OAS1: variants seen among roughly 807,000 people sequenced by gnomAD.
OAS1 encodes 2'-5'-oligoadenylate synthetase 1.
OAS1 carries 24 observed loss-of-function variants against 38.5 expected under a neutral mutation model. The ratio of observed to expected loss-of-function variants is 0.62; its 90% CI spans 0.45 to 0.88. The LOEUF is 0.88. OAS1 is among the 40% of genes least tolerant of loss of function. OAS1 has a pLI of 0.00. For synonymous variants in OAS1, 169 were observed against 193.9 expected, an observed-to-expected ratio of 0.87 and a Z score of 1.07; for missense variants, 482 against 493.9, an observed-to-expected ratio of 0.98 and a Z score of 0.23.
At chr12:112,932,281 G>A (rs150430777), downstream of OAS1, 38 of 176,040 alleles carry the variant, frequency 2.2e-4, no homozygotes, top group East Asian at 4.1e-3. Flanking sequence ...GGATGCTGTG[G>A]TTAATAATTA....
At chr12:112,922,200 A>G (rs1001827951), downstream of OAS1, among the ~76,000 whole-genome samples, 8 of 152,080 alleles carry the variant, frequency 5.3e-5, no homozygotes, top group Non-Finnish European at 1.5e-5. Flanking sequence ...CCATTACTAT[A>G]TATGCTATGG....
chr12:112,918,789 CA>C, intron 5 of OAS1: 5 of 345,450 alleles, frequency 1.4e-5, no homozygotes, highest in South Asian at 1.1e-4. Context: ...CTTGGGTTGT[CA>C]CACAGCTAAA....
At chr12:112,918,958 A>C in intron 5 of OAS1, 1 of 254,378 alleles carries the variant, frequency 3.9e-6, no homozygotes, top group Non-Finnish European at 7.9e-6. Context: ...ACCAGCACTC[A>C]GGGAAAGGGG....
chr12:112,911,291 G>A, intron 3 of OAS1, 56 bp downstream of exon 3: 4 of 1,402,122 alleles, frequency 2.9e-6, no homozygotes, highest in Non-Finnish European at 3.9e-6. Context: ...GCAGAGGAGG[G>A]GTGGGGGGAG....
At chr12:112,918,687 A>T (rs2043496839) in intron 5 of OAS1, 1 of 455,488 alleles carries the variant, frequency 2.2e-6, no homozygotes, top group Non-Finnish European at 4.4e-6. Flanking sequence ...GTGGACTCTA[A>T]AGCCAGTGCT....
chr12:112,911,036 A>G lies in OAS1; in HGVS notation c.470-15A>G, dbSNP rs2043369123. On this transcript the variant is annotated splice_polypyrimidine_tract_variant and intron_variant, in intron 2 of 5. Coordinates refer to ENST00000202917, the MANE Select transcript of OAS1 (RefSeq NM_016816.4). Reference sequence around the variant, plus strand: ...AGAAGAGCTGACACCTAAGTTGTAGATTTTGCCCGAACAGGTCAGTTGACT... The same window carrying G: ...AGAAGAGCTGACACCTAAGTTGTAGGTTTTGCCCGAACAGGTCAGTTGACT... The G allele has an allele frequency of 1.9e-6, 3 of 1,609,916 alleles. No homozygotes were observed. Among genetic ancestry groups the G allele is most frequent in the East Asian group, 4.5e-5 (2 of 44,778 alleles).
downstream of OAS1, among the ~76,000 whole-genome samples, chr12:112,921,457 G>C (rs2043528102): frequency 6.6e-6 from 1 of 152,174 alleles, no homozygotes; most frequent in Non-Finnish European, 1.5e-5. Flanking sequence ...CTTGATCGAA[G>C]AGCCACATGG....
chr12:112,910,444 T>C (rs2043359509), intron 2 of OAS1, among the ~76,000 whole-genome samples: 1 of 151,866 alleles, frequency 6.6e-6, no homozygotes, highest in Non-Finnish European at 1.5e-5. Context: ...GGTGAAACAA[T>C]AGATAGCCAT....
At position 112,916,716 on chromosome 12, in the gene OAS1, A is replaced by T; in HGVS notation, c.862A>T (p.Arg288Ter). ...FKNPIIEKYLRRQLTKPRPVI... is the reference protein window; with the variant it reads ...FKNPIIEKYL ...AAACCCCATTATTGAAAAGTACCTG[A>T]GAAGGCAGCTCACGAAACCCAGGTA... The change falls in exon 4 of 6, where the codon AGA becomes TGA. Residue 288 changes from arginine to a stop codon, truncating the protein, a stop_gained. Coordinates refer to ENST00000202917, the MANE Select transcript of OAS1 (RefSeq NM_016816.4). LOFTEE classifies it high-confidence loss of function. 2 of 1,614,098 alleles carry T rather than the reference A, an allele frequency of 1.2e-6. No homozygotes were observed. The highest frequency in any genetic ancestry group is 8.5e-7 in the Non-Finnish European group (1 of 1,179,954).
chr12:112,920,695 A>C (rs1357728459), downstream of OAS1, among the ~76,000 whole-genome samples: 2 of 152,192 alleles, frequency 1.3e-5, no homozygotes, highest in African/African-American at 4.8e-5. Context: ...CTAAAATATA[A>C]AACTCTCATA....
chr12:112,927,951 T>C (rs1043034456), intron 6 of OAS1, among the ~76,000 whole-genome samples: 2 of 152,220 alleles, frequency 1.3e-5, no homozygotes, highest in Non-Finnish European at 2.9e-5. Flanking sequence ...CCAAAGACTG[T>C]AGCATGCCTG....
chr12:112,931,155 G>A (rs2043594514), intron 6 of OAS1, among the ~76,000 whole-genome samples: 1 of 152,216 alleles, frequency 6.6e-6, no homozygotes, highest in Admixed American at 6.5e-5. Flanking sequence ...ATCCTGGGCA[G>A]CTCATTCCAC....
chr12:112,907,966 C>T (rs2043318873), intron 1 of OAS1, among the ~76,000 whole-genome samples: 1 of 152,222 alleles, frequency 6.6e-6, no homozygotes, highest in African/African-American at 2.4e-5. Flanking sequence ...TGTGCAACTT[C>T]CCTTACCTTA....
At chr12:112,918,607 G>A (rs894780478) in intron 5 of OAS1, 2 of 454,510 alleles carry the variant, frequency 4.4e-6, no homozygotes, top group South Asian at 1.6e-5. Context: ...ATGAGACAAA[G>A]GCTCAGAGAG....
chr12:112,910,979 T>G, intron 2 of OAS1, 72 bp from the exon 3 acceptor site: 1 of 1,400,780 alleles, frequency 7.1e-7, no homozygotes, highest in Non-Finnish European at 9.9e-7. Flanking sequence ...GCCAGGGAGA[T>G]TGTCCCCTCA....
At chr12:112,914,137 C>T (rs1007733628) in intron 3 of OAS1, among the ~76,000 whole-genome samples, 1 of 152,160 alleles carries the variant, frequency 6.6e-6, no homozygotes, top group African/African-American at 2.4e-5. Context: ...ATTCTTATGC[C>T]TTTGCTTCCT....
chr12:112,919,167 G>C (rs1250477892), intron 5 of OAS1: 1 of 511,568 alleles, frequency 2.0e-6, no homozygotes, highest in Non-Finnish European at 3.5e-6. Context: ...CTTGGGAAAG[G>C]GCATGGCTTT....
At chr12:112,914,576 C>A (rs1257422058) in intron 3 of OAS1, among the ~76,000 whole-genome samples, 2 of 152,028 alleles carry the variant, frequency 1.3e-5, no homozygotes, top group African/African-American at 4.8e-5. Flanking sequence ...AAAAGTGTTC[C>A]CTTTTCACCA....
rs749372224 is a variant in OAS1, at chr12:112,917,566, G to T, written c.904G>T (p.Ala302Ser). 1 of 1,614,166 alleles carries T rather than the reference G, an allele frequency of 6.2e-7. No homozygotes were observed. The highest frequency in any genetic ancestry group is 1.1e-5 in the South Asian group (1 of 91,074). The change falls in exon 5 of 6, where the codon GCG becomes TCG. Residue 302 changes from alanine to serine, a missense_variant. Physicochemically the swap from Ala to Ser is moderately conservative, Grantham distance 99. Transcript: ENST00000202917. Reference sequence around the variant, plus strand: ...CTGCAGGCCTGTGATCCTGGACCCGGCGGACCCTACAGGAAACTTGGGTGG... The same window carrying T: ...CTGCAGGCCTGTGATCCTGGACCCGTCGGACCCTACAGGAAACTTGGGTGG... ...TKPRPVILDP[A>S]DPTGNLGGGD...
Sources: gnomAD v4.1 joint callset for allele counts (sites outside exome capture counted in the v4.1 genomes callset) on GRCh38, gnomAD v4.1.1 for gene constraint, MANE v1.5 for transcripts, NCBI Gene and HGNC (gene_info 2026-07-23, HGNC 2026-07-21) for gene names.